Variants in HLCS observed in about 807,000 individuals in gnomAD.
HLCS encodes biotin--protein ligase.
In HLCS, 53 loss-of-function variants were observed where a neutral mutation model predicts 75.0. That is an observed-to-expected ratio of 0.71 (90% CI 0.57 to 0.89). HLCS has a LOEUF of 0.89. Among genes scored for constraint, HLCS ranks in the 40% least tolerant of loss-of-function variants. The probability of loss-of-function intolerance (pLI) is 0.00; values close to 1 mark genes in which losing one functional copy is unlikely to be tolerated. For missense variants in HLCS, 966 were observed against 1,074.0 expected (o/e 0.90, Z 1.41); for synonymous variants, 431 against 428.6 (o/e 1.01, Z -0.07).
At position 36,882,702 on chromosome 21, in the gene HLCS, C is replaced by A. The variant is rs8133111; in HGVS notation, c.1892+14158G>T. Among the ~76,000 whole-genome samples, 1,416 of 151,060 alleles carry A rather than the reference C, an allele frequency of 9.4e-3. 15 individuals are homozygous for A. The highest frequency in any genetic ancestry group is 0.029 in the African/African-American group (1,198 of 41,156). On this transcript the variant is annotated intron_variant, in intron 6 of 10. Transcript: ENST00000674895. ...GGCCTCGATCTCCTGACCTCGTGAT[C>A]CACCCACCTCGGCCTCCCAAAGTGT...
intron 8 of HLCS, among the ~76,000 whole-genome samples, chr21:36,760,334 G>A (rs2089782741): frequency 6.6e-6 from 1 of 152,202 alleles, no homozygotes; most frequent in African/African-American, 2.4e-5. Flanking sequence ...GCAGTGGCCA[G>A]GCGCGCTGGC....
Position 36,793,295 on chromosome 21 carries a change from C to CTTTTTTTTTTTTTTTTTTTTTTTT in HLCS, c.1893-26011_1893-26010insAAAAAAAAAAAAAAAAAAAAAAAA, listed in dbSNP as rs761549990. The stretch of plus-strand genomic sequence containing the variant: ...AGAACACGGGACAGCAGGAAGCAGT[C>CTTTTTTTTTTTTTTTTTTTTTTTT]TTTTTTTTTTTTTTTTTTGAGATAG... On this transcript the variant is annotated intron_variant, in intron 6 of 10. Coordinates refer to ENST00000674895, the MANE Select transcript of HLCS (RefSeq NM_001352514.2). Among the ~76,000 whole-genome samples, 13 of 116,246 alleles carry CTTTTTTTTTTTTTTTTTTTTTTTT rather than the reference C, an allele frequency of 1.1e-4. 1 individual carries two copies. The highest frequency in any genetic ancestry group is 4.2e-4 in the African/African-American group (13 of 31,148). The allele number at this position is 116,246 out of a possible 152,430, so 76.3% of individuals were successfully genotyped here.
chr21:36,956,564 T>G (rs1305877552), intron 2 of HLCS, among the ~76,000 whole-genome samples: 2 of 151,790 alleles, frequency 1.3e-5, no homozygotes, highest in African/African-American at 4.8e-5. Flanking sequence ...CCATCTCTAC[T>G]AAACATACAA....
intron 6 of HLCS, among the ~76,000 whole-genome samples, chr21:36,873,345 T>A (rs2063839086): frequency 6.6e-6 from 1 of 152,130 alleles, no homozygotes; most frequent in Non-Finnish European, 1.5e-5. Context: ...CTCGATCTCT[T>A]GACCTTGTGA....
chr21:36,765,858 G>T (rs978732951), intron 7 of HLCS, among the ~76,000 whole-genome samples: 2 of 152,136 alleles, frequency 1.3e-5, no homozygotes, highest in African/African-American at 4.8e-5. Flanking sequence ...TGTTGGTCAG[G>T]CTGGTCTTGA....
chr21:36,949,319 T>C (rs1159122984), intron 2 of HLCS, among the ~76,000 whole-genome samples: 1 of 152,254 alleles, frequency 6.6e-6, no homozygotes, highest in Non-Finnish European at 1.5e-5. Context: ...ACTTTCAAGA[T>C]GCCTCTGTCA....
At chr21:36,951,202 T>C (rs1481749855) in intron 2 of HLCS, among the ~76,000 whole-genome samples, 3 of 152,208 alleles carry the variant, frequency 2.0e-5, no homozygotes, top group South Asian at 2.1e-4. Context: ...TGCTTGGCCA[T>C]GTTCTTGGAA....
chr21:36,779,525 C>CT (rs2060465216), intron 6 of HLCS, among the ~76,000 whole-genome samples: 2 of 152,150 alleles, frequency 1.3e-5, no homozygotes, highest in Admixed American at 1.3e-4. Context: ...CTTGCATTAT[C>CT]TACACTATTT....
chr21:36,936,310 G>A, intron 4 of HLCS, 139 bp downstream of exon 4: 1 of 802,154 alleles, frequency 1.2e-6, no homozygotes, highest in Non-Finnish European at 2.2e-6. Flanking sequence ...ATCAGCAAAA[G>A]CTCCCAGCCA....
At position 36,936,746 on chromosome 21, in the gene HLCS, G is replaced by T; in HGVS notation, c.1140C>A (p.Phe380Leu). ...ESIPEDLYQK[F>L]MAYLSQGGKV... ...TCCCTCCCTGAGAAAGATAGGCCATGAACTTCTGGTACAGGTCTTCGGGAA... is the reference window on the plus strand; with the variant it reads ...TCCCTCCCTGAGAAAGATAGGCCATTAACTTCTGGTACAGGTCTTCGGGAA... The change falls in exon 4 of 11, where the codon TTC (phenylalanine) becomes TTA (leucine). Residue 380 changes from phenylalanine to leucine, a missense_variant. By Grantham distance (22) the Phe-to-Leu change is conservative (BLOSUM62 0). Coordinates refer to ENST00000674895, the MANE Select transcript of HLCS (RefSeq NM_001352514.2). 1 of 1,614,230 alleles carries T rather than the reference G, an allele frequency of 6.2e-7. No homozygotes were observed. Among genetic ancestry groups the T allele is most frequent in the South Asian group, 1.1e-5 (1 of 91,078 alleles).
At chr21:36,813,569 G>A (rs776241396) in intron 6 of HLCS, among the ~76,000 whole-genome samples, 1 of 152,186 alleles carries the variant, frequency 6.6e-6, no homozygotes, top group Non-Finnish European at 1.5e-5. Context: ...TTCTTTCAAA[G>A]GATGCCAACA....
At chr21:36,848,679 T>C (rs546342408) in intron 6 of HLCS, among the ~76,000 whole-genome samples, 92 of 152,370 alleles carry the variant, frequency 6.0e-4, no homozygotes, top group Admixed American at 1.1e-3. Flanking sequence ...GCAGAGAATT[T>C]TATTATTGTA....
chr21:36,989,380 G>A (rs1294766744), intron 1 of HLCS, among the ~76,000 whole-genome samples: 1 of 146,176 alleles, frequency 6.8e-6, no homozygotes, highest in African/African-American at 2.6e-5. Context: ...CTGGAGTGCA[G>A]CGGTGCAATC....
At chr21:36,795,787 G>A (rs2061009517) in intron 6 of HLCS, among the ~76,000 whole-genome samples, 3 of 152,212 alleles carry the variant, frequency 2.0e-5, no homozygotes, top group South Asian at 2.1e-4. Context: ...TCCTCCCCCA[G>A]TGCCTGGGAT....
chr21:36,969,279 C>A (rs182401717), upstream of HLCS, among the ~76,000 whole-genome samples: 41 of 152,206 alleles, frequency 2.7e-4, no homozygotes, highest in African/African-American at 9.9e-4. Flanking sequence ...AAATAATACA[C>A]CAAGGGATAT....
At position 36,966,602 on chromosome 21, in the gene HLCS, G is replaced by A; in HGVS notation, c.37C>T (p.Arg13Cys). 1 of 993,380 alleles carries A rather than the reference G, an allele frequency of 1.0e-6. No individual in the cohort carries two copies. Among genetic ancestry groups the A allele is most frequent in the Non-Finnish European group, 1.2e-6 (1 of 837,268 alleles). The allele number at this position is 993,380 out of a possible 1,614,324, so 61.5% of individuals were successfully genotyped here. The change falls in exon 1 of 11, where the codon CGC (arginine) becomes TGC (cysteine). Residue 13 changes from arginine to cysteine, a missense_variant. Arg to Cys is a radical substitution (Grantham distance 180). Coordinates refer to ENST00000674895, the MANE Select transcript of HLCS (RefSeq NM_001352514.2). ...ITLCYLYLWA[R>C]WGRRPAELVR... Reference sequence around the variant, plus strand: ...AGCTCAGCCGGCCGGCGACCCCAGCGCGCCCACAGGTACAGGTAGCACAGC... The same window carrying A: ...AGCTCAGCCGGCCGGCGACCCCAGCACGCCCACAGGTACAGGTAGCACAGC...
In HLCS at chr21:36,926,706, C is replaced by CCCA. The variant is rs369346028; in HGVS notation, c.1620+3542_1620+3544dup. ...CTTAAGCACTCCACCACAAATAAGT[C>CCCA]CCATATATACCAGATTTCCTTCCAG... On this transcript the variant is annotated intron_variant, in intron 5 of 10. Transcript: ENST00000674895. Among the ~76,000 whole-genome samples, 302 of 151,360 alleles carry CCCA rather than the reference C, an allele frequency of 2.0e-3. 3 individuals carry two copies. The highest frequency in any genetic ancestry group is 6.8e-3 in the African/African-American group (280 of 41,278).
At chr21:36,938,466 A>G (rs1449228616) in intron 3 of HLCS, among the ~76,000 whole-genome samples, 12 of 152,208 alleles carry the variant, frequency 7.9e-5, no homozygotes, top group Admixed American at 7.9e-4. Flanking sequence ...TCATACCAGT[A>G]AGAGTGCTCA....
intron 6 of HLCS, among the ~76,000 whole-genome samples, chr21:36,781,053 A>G (rs2060515437): frequency 6.6e-6 from 1 of 150,698 alleles, no homozygotes; most frequent in African/African-American, 2.4e-5. Flanking sequence ...TTACCACCTG[A>G]GCTCCACTTC....
Sources: gnomAD v4.1 joint callset for allele counts (sites outside exome capture counted in the v4.1 genomes callset) on GRCh38, gnomAD v4.1.1 for gene constraint, MANE v1.5 for transcripts, NCBI Gene and HGNC (gene_info 2026-07-23, HGNC 2026-07-21) for gene names.